OCIAD1: variants seen among roughly 807,000 people sequenced by gnomAD.
OCIAD1 encodes OCIA domain containing 1.
OCIAD1 carries 29 observed loss-of-function variants against 38.9 expected under a neutral mutation model. The ratio of observed to expected loss-of-function variants is 0.74; its 90% CI spans 0.55 to 1.02. OCIAD1 has a LOEUF of 1.02. OCIAD1 is among the 50% of genes least tolerant of loss of function. The pLI is 0.00. For synonymous variants in OCIAD1, 110 were observed against 92.0 expected (o/e 1.20, Z -1.12); for missense variants, 288 against 289.6 (o/e 0.99, Z 0.04).
chr4:48,841,353 A>G (rs1041901284), intron 3 of OCIAD1, among the ~76,000 whole-genome samples: 8 of 152,222 alleles, frequency 5.3e-5, no homozygotes, highest in Admixed American at 1.3e-4. Context: ...GTGAAAGGAT[A>G]TAAAGCAAAA....
chr4:48,808,791 A>T (rs1436911454), intron 1 of OCIAD1, among the ~76,000 whole-genome samples: 1 of 152,214 alleles, frequency 6.6e-6, no homozygotes, highest in Non-Finnish European at 1.5e-5. Context: ...AAAGAAACTA[A>T]GACAATTGTA....
chr4:48,851,854 A>G lies in OCIAD1; in HGVS notation c.426A>G (p.Ser142=), dbSNP rs1165000066. The G allele has an allele frequency of 2.0e-5, 32 of 1,613,684 alleles. No homozygotes were observed. The highest frequency in any genetic ancestry group is 2.6e-5 in the Non-Finnish European group (31 of 1,179,694). ...ATGACTCAAGTGTGAGTGGTCAATCATCTTTTGTGACATCCCCAGCAGCAG... is the reference window on the plus strand; with the variant it reads ...ATGACTCAAGTGTGAGTGGTCAATCGTCTTTTGTGACATCCCCAGCAGCAG... ...SKYDSSVSGQ[S]SFVTSPAADN... The change falls in exon 7 of 9, where the codon TCA becomes TCG. Residue 142 remains serine (S), a synonymous_variant. Coordinates refer to ENST00000264312, the MANE Select transcript of OCIAD1 (RefSeq NM_017830.4).
chr4:48,860,325 T>C (rs1445159576), intron 8 of OCIAD1: 3 of 153,674 alleles, frequency 2.0e-5, no homozygotes, highest in African/African-American at 7.2e-5. Context: ...TTTTTTTTTT[T>C]GTATATGGCT....
chr4:48,860,662 TTAAAA>T (rs1780521903), intron 8 of OCIAD1, 58 bp from the exon 9 acceptor site: 3 of 1,221,446 alleles, frequency 2.5e-6, no homozygotes, highest in Non-Finnish European at 3.6e-6. Context: ...AGCAACAAAC[TTAAAA>T]TAATGTCTTT....
At chr4:48,842,881 C>A (rs1434995719) in intron 4 of OCIAD1, among the ~76,000 whole-genome samples, 192 bp downstream of exon 4, 2 of 152,084 alleles carry the variant, frequency 1.3e-5, no homozygotes, top group African/African-American at 4.8e-5. Context: ...AGAATTTCTC[C>A]TGCACTAATA....
At chr4:48,823,824 CTTTT>C (rs71660459) in intron 1 of OCIAD1, among the ~76,000 whole-genome samples, 1 of 70,130 alleles carries the variant, frequency 1.4e-5, no homozygotes, top group Non-Finnish European at 2.4e-5. Context: ...CAATGCCTGG[CTTTT>C]TTTTTTTTTT....
intron 7 of OCIAD1, 182 bp from the exon 8 acceptor site, chr4:48,857,031 A>C (rs1189971247): frequency 2.9e-6 from 1 of 343,234 alleles, no homozygotes; most frequent in Non-Finnish European, 5.4e-6. Flanking sequence ...TATGGGTGGA[A>C]GTAGATTTCA....
chr4:48,858,907 G>C (rs1336338747), intron 8 of OCIAD1, among the ~76,000 whole-genome samples: 1 of 152,160 alleles, frequency 6.6e-6, no homozygotes, highest in Non-Finnish European at 1.5e-5. Context: ...TACCTCTAAA[G>C]GAAGAGGACA....
chr4:48,844,424 G>C (rs746583417), intron 4 of OCIAD1, among the ~76,000 whole-genome samples: 8 of 152,028 alleles, frequency 5.3e-5, no homozygotes, highest in Non-Finnish European at 1.0e-4. Flanking sequence ...GACCGTCCTG[G>C]CCAACATGAT....
intron 8 of OCIAD1, 67 bp from the exon 9 acceptor site, chr4:48,860,658 A>T: frequency 8.4e-7 from 1 of 1,185,958 alleles, no homozygotes; most frequent in Non-Finnish European, 1.3e-6. Flanking sequence ...TCATAGCAAC[A>T]AACTTAAAAT....
intron 1 of OCIAD1, among the ~76,000 whole-genome samples, chr4:48,812,980 C>T (rs2109489176): frequency 6.6e-6 from 1 of 152,212 alleles, no homozygotes; most frequent in Non-Finnish European, 1.5e-5. Flanking sequence ...GAATCTACCT[C>T]TCAAGTACAG....
chr4:48,853,989 T>A (rs1197160493), intron 7 of OCIAD1, among the ~76,000 whole-genome samples: 1 of 152,154 alleles, frequency 6.6e-6, no homozygotes, highest in Non-Finnish European at 1.5e-5. Flanking sequence ...GGCATCAAAT[T>A]AGTCAGAAAA....
intron 3 of OCIAD1, among the ~76,000 whole-genome samples, chr4:48,838,824 T>C (rs192303916): frequency 1.3e-5 from 2 of 152,364 alleles, no homozygotes; most frequent in East Asian, 3.9e-4. Context: ...GACCATTCTC[T>C]TTCCTTAAGA....
At chr4:48,844,307 T>C (rs1273007379) in intron 4 of OCIAD1, among the ~76,000 whole-genome samples, 1 of 152,120 alleles carries the variant, frequency 6.6e-6, no homozygotes, top group Non-Finnish European at 1.5e-5. Context: ...GGAAGTTTTT[T>C]AGAGATTTTG....
At chr4:48,831,402 A>G in intron 1 of OCIAD1, 153 bp downstream of exon 1, 1 of 930,260 alleles carries the variant, frequency 1.1e-6, no homozygotes, top group Non-Finnish European at 1.5e-6. Context: ...AGTGCCGGTG[A>G]CTGCGGGAGG....
chr4:48,837,517 T>C (rs1778116294), intron 3 of OCIAD1, among the ~76,000 whole-genome samples: 5 of 151,990 alleles, frequency 3.3e-5, no homozygotes, highest in Admixed American at 3.3e-4. Flanking sequence ...GGTCTCGAGC[T>C]CCTGACCTTG....
intron 4 of OCIAD1, among the ~76,000 whole-genome samples, chr4:48,845,339 C>G (rs1264484676): frequency 6.6e-6 from 1 of 152,158 alleles, no homozygotes; most frequent in Non-Finnish European, 1.5e-5. Flanking sequence ...ACAAACTTTT[C>G]AAAAACAACC....
chr4:48,834,848 T>C (rs1296997845), intron 3 of OCIAD1, among the ~76,000 whole-genome samples: 2 of 152,244 alleles, frequency 1.3e-5, no homozygotes, highest in East Asian at 1.9e-4. Flanking sequence ...CAGCCTGATA[T>C]GTATGCTTAA....
chr4:48,848,940 A>G (rs1779186834), intron 5 of OCIAD1, among the ~76,000 whole-genome samples: 1 of 152,158 alleles, frequency 6.6e-6, no homozygotes, highest in Non-Finnish European at 1.5e-5. Context: ...TGTGGCACAT[A>G]TACACCATGG....
Sources: allele counts gnomAD v4.1 joint callset (sites outside exome capture counted in the v4.1 genomes callset), GRCh38; gene constraint gnomAD v4.1.1; transcripts MANE v1.5; gene names NCBI Gene and HGNC (gene_info 2026-07-23, HGNC 2026-07-21).